CHSY3: variants seen among roughly 807,000 people sequenced by gnomAD.
CHSY3 encodes the protein N-acetylgalactosaminyl-proteoglycan 3-beta-glucuronosyltransferase 3.
Under a neutral mutation model 67.2 loss-of-function variants are expected in CHSY3, and 35 were observed. The ratio of observed to expected loss-of-function variants is 0.52; its 90% CI spans 0.40 to 0.69. CHSY3 has a LOEUF of 0.69. Ranked by LOEUF, CHSY3 falls within the 30% of genes least tolerant of loss-of-function variation. The pLI is 0.00. For missense variants in CHSY3, 1,069 were observed against 1,138.5 expected, an observed-to-expected ratio of 0.94 and a Z score of 0.88; for synonymous variants, 474 against 434.7, an observed-to-expected ratio of 1.09 and a Z score of -1.12.
chr5:129,936,661 A>G (rs1429482194), intron 2 of CHSY3, among the ~76,000 whole-genome samples: 2 of 152,160 alleles, frequency 1.3e-5, no homozygotes, highest in Non-Finnish European at 2.9e-5. Context: ...GAACATGACT[A>G]TGTTTCATTT....
In CHSY3 at chr5:130,163,526, C is replaced by T. The variant is rs888466607; in HGVS notation, c.1087-20703C>T. 2.0e-5 allele frequency among the ~76,000 whole-genome samples: 3 copies of T among 152,084 alleles called. 1 individual carries two copies. The highest frequency in any genetic ancestry group is 7.2e-5 in the African/African-American group (3 of 41,400). ...AACTTGAGGTTTCAAAGAGTTGCTCCCATTTCTTCTAAATTATTCTCTGAG... is the reference window on the plus strand; with the variant it reads ...AACTTGAGGTTTCAAAGAGTTGCTCTCATTTCTTCTAAATTATTCTCTGAG... On this transcript the variant is annotated intron_variant, in intron 2 of 2. Transcript: ENST00000305031.
chr5:129,946,757 A>T (rs887641836), intron 2 of CHSY3, among the ~76,000 whole-genome samples: 1 of 152,140 alleles, frequency 6.6e-6, no homozygotes, highest in Admixed American at 6.6e-5. Context: ...AAATGGCAAG[A>T]TATCCCCCTT....
At chr5:129,943,062 C>T (rs58897873) in intron 2 of CHSY3, among the ~76,000 whole-genome samples, 101 of 152,208 alleles carry the variant, frequency 6.6e-4, no homozygotes, top group African/African-American at 2.3e-3. Flanking sequence ...GATTCTGCAT[C>T]GTTTTTATGA....
chr5:129,907,987 C>T, intron 1 of CHSY3, 90 bp from the exon 2 acceptor site: 2 of 1,504,164 alleles, frequency 1.3e-6, no homozygotes, highest in Non-Finnish European at 8.9e-7. Context: ...GGATTTTAAG[C>T]ACAATGTTGA....
intron 2 of CHSY3, among the ~76,000 whole-genome samples, chr5:130,133,810 A>G (rs201638461): frequency 0.046 from 6,203 of 134,868 alleles, 384 homozygotes; most frequent in East Asian, 0.28. Context: ...AAAAAAAAAA[A>G]GGCTGTCAAC....
intron 2 of CHSY3, among the ~76,000 whole-genome samples, chr5:130,064,402 C>T (rs1178605850): frequency 6.6e-6 from 1 of 152,036 alleles, no homozygotes; most frequent in African/African-American, 2.4e-5. Flanking sequence ...TAAGGAAGGA[C>T]TAGAGATAGT....
intron 2 of CHSY3, among the ~76,000 whole-genome samples, chr5:130,105,356 T>C (rs963890890): frequency 2.0e-5 from 3 of 151,700 alleles, no homozygotes; most frequent in South Asian, 2.1e-4. Flanking sequence ...CCTAGGTAAG[T>C]AAAGATCGCT....
At chr5:130,039,888 C>A (rs1211531671) in intron 2 of CHSY3, among the ~76,000 whole-genome samples, 2 of 152,066 alleles carry the variant, frequency 1.3e-5, no homozygotes, top group Non-Finnish European at 2.9e-5. Context: ...CTTTTCTGAT[C>A]CTCTTATTTC....
intron 2 of CHSY3, among the ~76,000 whole-genome samples, chr5:129,932,941 C>T (rs552201689): frequency 6.6e-6 from 1 of 152,212 alleles, no homozygotes; most frequent in African/African-American, 2.4e-5. Context: ...TTTATATTAA[C>T]TCCGACATTA....
At chr5:130,037,932 C>A (rs144520518) in intron 2 of CHSY3, among the ~76,000 whole-genome samples, 139 of 152,118 alleles carry the variant, frequency 9.1e-4, no homozygotes, top group African/African-American at 3.3e-3. Context: ...TTTTTAGAAT[C>A]ACTTATCCTC....
intron 2 of CHSY3, among the ~76,000 whole-genome samples, chr5:130,111,320 T>C (rs1432057049): frequency 6.6e-6 from 1 of 152,158 alleles, no homozygotes; most frequent in Non-Finnish European, 1.5e-5. Context: ...GCCAGTTGTT[T>C]AAAATTCTTT....
chr5:130,068,071 C>T (rs1024493376), intron 2 of CHSY3, among the ~76,000 whole-genome samples: 2 of 152,056 alleles, frequency 1.3e-5, no homozygotes, highest in Non-Finnish European at 1.5e-5. Context: ...GTTGCCATCA[C>T]CTCTTCTCAC....
intron 2 of CHSY3, among the ~76,000 whole-genome samples, chr5:130,038,504 G>C (rs962115839): frequency 6.6e-6 from 1 of 152,056 alleles, no homozygotes; most frequent in Non-Finnish European, 1.5e-5. Flanking sequence ...ACCAAAAAGA[G>C]CAGGTAATGT....
At position 130,147,045 on chromosome 5, in the gene CHSY3, C is replaced by T. The variant is rs539275735; in HGVS notation, c.1087-37184C>T. On this transcript the variant is annotated intron_variant, in intron 2 of 2. Transcript: ENST00000305031. ...CTGACCTTAAGTGATCCGCCCACCT[C>T]GGCCTCCCAAAATGTTGGGATTACA... is the stretch of plus-strand genomic sequence containing the variant. 3.3e-5 allele frequency among the ~76,000 whole-genome samples: 5 copies of T among 152,278 alleles called. 1 individual carries two copies. Among genetic ancestry groups the T allele is most frequent in the East Asian group, 3.9e-4 (2 of 5,168 alleles).
chr5:130,082,571 T>C (rs961182277), intron 2 of CHSY3, among the ~76,000 whole-genome samples: 6 of 152,068 alleles, frequency 3.9e-5, no homozygotes, highest in Non-Finnish European at 5.9e-5. Context: ...ATATCATTAA[T>C]GCTAATCTCT....
At chr5:130,169,689 G>GA (rs34736549) in intron 2 of CHSY3, among the ~76,000 whole-genome samples, 132,788 of 147,788 alleles carry the variant, frequency 0.9, 59,700 homozygotes, top group East Asian at 0.99. Context: ...TGGGAGCACA[G>GA]AAAAAAAAAA....
At chr5:129,907,587 C>T (rs1367629907) in intron 1 of CHSY3, among the ~76,000 whole-genome samples, 2 of 152,164 alleles carry the variant, frequency 1.3e-5, no homozygotes, top group Non-Finnish European at 2.9e-5. Context: ...AGGTTTGATT[C>T]AAACATCCTC....
At chr5:130,116,870 T>G (rs1038763144) in intron 2 of CHSY3, among the ~76,000 whole-genome samples, 1 of 152,172 alleles carries the variant, frequency 6.6e-6, no homozygotes, top group Admixed American at 6.5e-5. Context: ...TGTCTTTTTT[T>G]TTTTTTGAGT....
intron 2 of CHSY3, among the ~76,000 whole-genome samples, chr5:129,942,779 T>G (rs1006899659): frequency 2.0e-5 from 3 of 152,150 alleles, no homozygotes; most frequent in African/African-American, 7.2e-5. Flanking sequence ...AAACTATGTT[T>G]TATTTGGTCA....
Sources: gnomAD v4.1 joint callset for allele counts (sites outside exome capture counted in the v4.1 genomes callset) on GRCh38, gnomAD v4.1.1 for gene constraint, MANE v1.5 for transcripts, NCBI Gene and HGNC (gene_info 2026-07-23, HGNC 2026-07-21) for gene names.